LDLRAD4: variants seen among roughly 807,000 people sequenced by gnomAD.
LDLRAD4 encodes low density lipoprotein receptor class A domain containing 4.
LDLRAD4 carries 5 observed loss-of-function variants against 17.0 expected under a neutral mutation model. The ratio of observed to expected loss-of-function variants is 0.29; its 90% CI spans 0.15 to 0.62. The LOEUF is 0.62. Among genes scored for constraint, LDLRAD4 ranks in the 20% least tolerant of loss-of-function variants. The pLI is 0.84. For missense variants in LDLRAD4, 340 were observed against 424.7 expected (o/e 0.80, Z 1.75); for synonymous variants, 168 against 171.8 (o/e 0.98, Z 0.17).
At chr18:13,352,031 G>T (rs982843381) in intron 1 of LDLRAD4, among the ~76,000 whole-genome samples, 22 of 152,182 alleles carry the variant, frequency 1.4e-4, no homozygotes, top group African/African-American at 5.3e-4. Flanking sequence ...CATCTCAATA[G>T]ATGCAGAAAA....
intron 1 of LDLRAD4, among the ~76,000 whole-genome samples, chr18:13,321,530 A>G (rs771209365): frequency 6.6e-6 from 1 of 152,144 alleles, no homozygotes; most frequent in Non-Finnish European, 1.5e-5. Flanking sequence ...AGGTTTGGAT[A>G]ATTAGAATGG....
intron 1 of LDLRAD4, among the ~76,000 whole-genome samples, chr18:13,242,859 C>G (rs1408382722): frequency 3.3e-5 from 5 of 152,256 alleles, no homozygotes; most frequent in East Asian, 1.9e-4. Context: ...TCAGGCAGCT[C>G]TGACCCCAGC....
chr18:13,399,773 T>C (rs2087005378), intron 2 of LDLRAD4, among the ~76,000 whole-genome samples: 1 of 152,240 alleles, frequency 6.6e-6, no homozygotes, highest in Non-Finnish European at 1.5e-5. Flanking sequence ...CTTCTATTAA[T>C]AGTTCATTTT....
chr18:13,242,251 A>G (rs927869836), intron 1 of LDLRAD4, among the ~76,000 whole-genome samples: 1 of 152,272 alleles, frequency 6.6e-6, no homozygotes, highest in African/African-American at 2.4e-5. Context: ...CTAGGATTCC[A>G]GTATTTCAAG....
At chr18:13,649,261 T>G (rs1352615240) in exon 6 of LDLRAD4, 1 of 152,244 alleles carries the variant, frequency 6.6e-6, no homozygotes, top group African/African-American at 2.4e-5. Flanking sequence ...GTTTGATCTC[T>G]TTCACCTTTA....
At chr18:13,274,867 T>G (rs2044765861), upstream of LDLRAD4, among the ~76,000 whole-genome samples, 1 of 152,108 alleles carries the variant, frequency 6.6e-6, no homozygotes, top group African/African-American at 2.4e-5. Context: ...AGTTTAAAAA[T>G]GGAGTATCTT....
chr18:13,353,065 T>C (rs8085411), intron 1 of LDLRAD4, among the ~76,000 whole-genome samples: 13,015 of 152,258 alleles, frequency 0.085, 1,585 homozygotes, highest in African/African-American at 0.27. Flanking sequence ...ATTTAAGACT[T>C]ATGTGGTAAA....
intron 4 of LDLRAD4, chr18:13,641,989 G>A (rs551550943): frequency 1.4e-3 from 1,385 of 984,988 alleles, no homozygotes; most frequent in Non-Finnish European, 1.5e-3. Flanking sequence ...TGGGCGGTGG[G>A]AGGGCCTCCG....
At chr18:13,325,510 C>T (rs971252580) in intron 1 of LDLRAD4, among the ~76,000 whole-genome samples, 4 of 152,236 alleles carry the variant, frequency 2.6e-5, no homozygotes, top group African/African-American at 9.6e-5. Flanking sequence ...CCATGACTTG[C>T]AGTCCGCCCA....
At chr18:13,512,203 A>T (rs993505550) in intron 3 of LDLRAD4, among the ~76,000 whole-genome samples, 1 of 152,118 alleles carries the variant, frequency 6.6e-6, no homozygotes, top group African/African-American at 2.4e-5. Context: ...TATTTTAGCT[A>T]TGCCATTATT....
intron 3 of LDLRAD4, chr18:13,611,840 G>A: frequency 1.0e-6 from 1 of 985,562 alleles, no homozygotes; most frequent in Non-Finnish European, 1.2e-6. Flanking sequence ...AGGACCTCAC[G>A]CCTTGCCAGT....
At chr18:13,601,035 G>GCAC (rs1427625055) in intron 3 of LDLRAD4, among the ~76,000 whole-genome samples, 1 of 152,146 alleles carries the variant, frequency 6.6e-6, no homozygotes, top group Non-Finnish European at 1.5e-5. Flanking sequence ...GGGAGGATGG[G>GCAC]CACCTGTTCT....
chr18:13,571,925 C>T (rs116396528), intron 3 of LDLRAD4, among the ~76,000 whole-genome samples: 1,734 of 152,284 alleles, frequency 0.011, 36 homozygotes, highest in African/African-American at 0.04. Context: ...CGTGAGCTAC[C>T]GCACCGGGCC....
In LDLRAD4 at chr18:13,645,531, C is replaced by G; in HGVS notation, c.795C>G (p.Ala265=). The change falls in exon 6 of 6, where the codon GCC becomes GCG. Residue 265 remains alanine, a synonymous_variant. Transcript: ENST00000359446. The surrounding 1 kb of genome is among the most constrained non-coding windows in gnomAD (Gnocchi z 5.7). ...AGGTGATGGGCCACCACCCAGGCGC[C>G]TCTTTCCTCCATCACCAGCGCAGCA... is the stretch of plus-strand genomic sequence containing the variant. 1 of 1,610,918 alleles carries G rather than the reference C, an allele frequency of 6.2e-7. No individual in the cohort carries two copies. The highest frequency in any genetic ancestry group is 8.5e-7 in the Non-Finnish European group (1 of 1,178,674).
intron 3 of LDLRAD4, among the ~76,000 whole-genome samples, chr18:13,443,119 T>A (rs1364010211): frequency 6.6e-6 from 1 of 152,194 alleles, no homozygotes; most frequent in African/African-American, 2.4e-5. Context: ...TTAGGACTTT[T>A]TCAGGAGGCA....
rs538217601 is a variant in LDLRAD4 at position 13,338,342 on chromosome 18, A to G, written c.-382-48999A>G. On this transcript the variant is annotated intron_variant, in intron 1 of 5. Transcript: ENST00000359446. ...CTCTGGAGGTCAGGGATGAGTGGGTAAAATCAGGTATCTTTTCTATCCAGG... is the reference window on the plus strand; with the variant it reads ...CTCTGGAGGTCAGGGATGAGTGGGTGAAATCAGGTATCTTTTCTATCCAGG... 9.2e-5 allele frequency among the ~76,000 whole-genome samples: 14 copies of G among 152,300 alleles called. No homozygotes were observed. The South Asian group carries it at 2.3e-3, about 25-fold the overall frequency.
At chr18:13,303,389 G>T (rs951618775) in intron 1 of LDLRAD4, among the ~76,000 whole-genome samples, 1 of 152,106 alleles carries the variant, frequency 6.6e-6, no homozygotes, top group African/African-American at 2.4e-5. Flanking sequence ...AGGACTACAG[G>T]TGCATGCCAC....
At chr18:13,482,613 G>A (rs966428809) in intron 3 of LDLRAD4, among the ~76,000 whole-genome samples, 1 of 152,228 alleles carries the variant, frequency 6.6e-6, no homozygotes, top group Non-Finnish European at 1.5e-5. Context: ...GTCCCATGGG[G>A]ACTGCAGGGG....
At chr18:13,521,289 A>AT (rs1032478213) in intron 3 of LDLRAD4, 8 of 152,058 alleles carry the variant, frequency 5.3e-5, no homozygotes, top group Admixed American at 2.0e-4. Context: ...TGTTTGCAAA[A>AT]TTTGGTTGAG....
Sources: allele counts gnomAD v4.1 joint callset (sites outside exome capture counted in the v4.1 genomes callset), GRCh38; gene constraint gnomAD v4.1.1; non-coding constraint Gnocchi (gnomAD v3.1); transcripts MANE v1.5; gene names NCBI Gene and HGNC (gene_info 2026-07-23, HGNC 2026-07-21).